CNTNAP4: variants seen among roughly 807,000 people sequenced by gnomAD.
The protein encoded by CNTNAP4 is contactin associated protein family member 4.
Under a neutral mutation model 148.4 loss-of-function variants are expected in CNTNAP4, and 98 were observed. The ratio of observed to expected loss-of-function variants is 0.66; its 90% CI spans 0.56 to 0.78. The LOEUF is 0.78. Ranked by LOEUF, CNTNAP4 falls within the 30% of genes least tolerant of loss-of-function variation. The pLI, the probability that CNTNAP4 is intolerant of heterozygous loss-of-function variation, is 0.00. For synonymous variants in CNTNAP4, 730 were observed against 565.1 expected (o/e 1.29, Z -4.14); for missense variants, 1,935 against 1,565.6 (o/e 1.24, Z -3.98).
chr16:76,446,778 C>T (rs1046365480), intron 4 of CNTNAP4, among the ~76,000 whole-genome samples: 9 of 152,170 alleles, frequency 5.9e-5, no homozygotes, highest in East Asian at 1.9e-4. Context: ...GTACTCAAGG[C>T]GGCATTTGAT....
At chr16:76,475,797 A>C (rs2081554923) in intron 10 of CNTNAP4, 142 bp from the exon 11 acceptor site, 1 of 608,936 alleles carries the variant, frequency 1.6e-6, no homozygotes, top group South Asian at 2.1e-5. Context: ...TTCTGTGATT[A>C]AAGTGATTAA....
chr16:76,370,132 C>T (rs1468569627), intron 3 of CNTNAP4, among the ~76,000 whole-genome samples: 1 of 152,122 alleles, frequency 6.6e-6, no homozygotes, highest in Non-Finnish European at 1.5e-5. Flanking sequence ...ACGATAATAT[C>T]TGGTAACATT....
At chr16:76,552,967 T>A (rs1012577913) in intron 21 of CNTNAP4, among the ~76,000 whole-genome samples, 1 of 152,206 alleles carries the variant, frequency 6.6e-6, no homozygotes, top group Non-Finnish European at 1.5e-5. Flanking sequence ...TACATTGCAA[T>A]AATCTATATT....
At chr16:76,331,503 GTT>G (rs113105251) in intron 2 of CNTNAP4, among the ~76,000 whole-genome samples, 4 of 143,692 alleles carry the variant, frequency 2.8e-5, no homozygotes, top group Admixed American at 7.0e-5. Context: ...TTTCTTTCAA[GTT>G]TTTTTTTTTT....
intron 3 of CNTNAP4, among the ~76,000 whole-genome samples, chr16:76,398,266 G>C (rs1035840192): frequency 6.6e-6 from 1 of 151,644 alleles, no homozygotes; most frequent in African/African-American, 2.4e-5. Flanking sequence ...GTCTTTCCCA[G>C]TCCACTGACT....
intron 12 of CNTNAP4, among the ~76,000 whole-genome samples, chr16:76,485,831 A>T (rs1231069543): frequency 6.6e-6 from 1 of 152,218 alleles, no homozygotes; most frequent in Non-Finnish European, 1.5e-5. Flanking sequence ...ACTGTCCATT[A>T]TTCAAATGCA....
In CNTNAP4 at chr16:76,451,599, A is replaced by ATGTGTGTGTGTGTGTGTGTGTGTG. The variant is rs71134761; in HGVS notation, c.1072-897_1072-874dup. On this transcript the variant is annotated intron_variant, in intron 7 of 23. Coordinates refer to ENST00000611870, the MANE Select transcript of CNTNAP4 (RefSeq NM_033401.5). ...ATAAAAATAAAAATATTTTAGATAG[A>ATGTGTGTGTGTGTGTGTGTGTGTG]TGTGTGTGTGTGTGTGTGTGTGTGT... 1.8e-3 allele frequency among the ~76,000 whole-genome samples: 250 copies of ATGTGTGTGTGTGTGTGTGTGTGTG among 141,344 alleles called. 2 individuals are homozygous for ATGTGTGTGTGTGTGTGTGTGTGTG. Among genetic ancestry groups the ATGTGTGTGTGTGTGTGTGTGTGTG allele is most frequent in the African/African-American group, 6.1e-3 (238 of 38,928 alleles). 92.7% of individuals were successfully genotyped at this position (141,344 alleles called of 152,430 possible). A position where few individuals can be genotyped will look rare whatever the true frequency, so the allele number is the denominator to read the frequency against.
At chr16:76,408,341 T>C (rs2078674110) in intron 3 of CNTNAP4, among the ~76,000 whole-genome samples, 1 of 152,098 alleles carries the variant, frequency 6.6e-6, no homozygotes, top group Admixed American at 6.6e-5. Context: ...CTAATTTAAT[T>C]AAGCTATTGC....
At chr16:76,500,245 C>A (rs958680450) in intron 15 of CNTNAP4, among the ~76,000 whole-genome samples, 1 of 152,152 alleles carries the variant, frequency 6.6e-6, no homozygotes. Context: ...CCCCACCTTC[C>A]GGACGGGGCG....
intron 5 of CNTNAP4, 104 bp downstream of exon 5, chr16:76,448,319 T>C (rs2080326597): frequency 2.6e-6 from 2 of 775,142 alleles, no homozygotes; most frequent in Middle Eastern, 2.6e-4. Flanking sequence ...GTGCCTTATT[T>C]TCAGATTCAA....
At chr16:76,363,258 G>T (rs1465530496) in intron 3 of CNTNAP4, among the ~76,000 whole-genome samples, 1 of 151,540 alleles carries the variant, frequency 6.6e-6, no homozygotes, top group Non-Finnish European at 1.5e-5. Context: ...TGCCTCCTGG[G>T]TTCAAGTGAT....
intron 3 of CNTNAP4, among the ~76,000 whole-genome samples, chr16:76,360,566 A>C (rs2013285684): frequency 6.6e-6 from 1 of 152,216 alleles, no homozygotes; most frequent in African/African-American, 2.4e-5. Context: ...TACTAACGCC[A>C]AGTGTGTGAA....
chr16:76,384,050 A>AT (rs1383613453), intron 3 of CNTNAP4, among the ~76,000 whole-genome samples: 1 of 151,224 alleles, frequency 6.6e-6, no homozygotes, highest in Non-Finnish European at 1.5e-5. Context: ...TTATTTATTT[A>AT]TTTATTTTTT....
chr16:76,362,946 A>C (rs145663196), intron 3 of CNTNAP4, among the ~76,000 whole-genome samples: 3 of 152,266 alleles, frequency 2.0e-5, no homozygotes, highest in Non-Finnish European at 2.9e-5. Flanking sequence ...AATGGGGGCC[A>C]GGCATGGCAG....
chr16:76,373,897 C>CAAA (rs71382634), intron 3 of CNTNAP4, among the ~76,000 whole-genome samples: 96 of 112,030 alleles, frequency 8.6e-4, no homozygotes, highest in South Asian at 3.0e-3. Flanking sequence ...CTCCATCTCA[C>CAAA]AAAAAAAAAA....
intron 3 of CNTNAP4, among the ~76,000 whole-genome samples, chr16:76,375,163 T>A (rs1453311284): frequency 1.3e-5 from 2 of 152,176 alleles, no homozygotes; most frequent in East Asian, 3.9e-4. Context: ...GGCTCATGCC[T>A]GTAATCCCAG....
At position 76,500,120 on chromosome 16, in the gene CNTNAP4, C is replaced by A. The variant is rs377267389; in HGVS notation, c.2365+1426C>A. ...GGCGGGGCAGAGGGGCTCCGCACTT[C>A]CCAGACGGGGCGGCTGGGCAGAGGT... is the stretch of plus-strand genomic sequence containing the variant. On this transcript the variant is annotated intron_variant, in intron 15 of 23. Coordinates refer to ENST00000611870, the MANE Select transcript of CNTNAP4 (RefSeq NM_033401.5). 4.4e-4 allele frequency among the ~76,000 whole-genome samples: 67 copies of A among 152,216 alleles called. 1 individual carries two copies. The East Asian group carries it at 0.011, about 24-fold the overall frequency.
Position 76,553,358 on chromosome 16 carries a change from T to C in CNTNAP4, c.3518T>C (p.Leu1173Pro), listed in dbSNP as rs768922048. 1 of 1,612,890 alleles carries C rather than the reference T, an allele frequency of 6.2e-7. No homozygotes were observed. Among genetic ancestry groups the C allele is most frequent in the Non-Finnish European group, 8.5e-7 (1 of 1,179,426 alleles). The change falls in exon 22 of 24, where the codon CTC becomes CCC. Residue 1173 changes from leucine to proline, a missense_variant. By Grantham distance (98) the Leu-to-Pro change is moderately conservative. Transcript: ENST00000611870. ...GFTGCLSAVQ[L>P]SHVAPLKAAL... ...ACAGGCTGCCTCTCTGCAGTGCAGC[T>C]CAGCCACGTGGCCCCTCTGAAGGCA... is the stretch of plus-strand genomic sequence containing the variant.
chr16:76,359,818 A>G (rs1490304648), intron 3 of CNTNAP4, among the ~76,000 whole-genome samples: 8 of 152,248 alleles, frequency 5.3e-5, no homozygotes, highest in Admixed American at 4.6e-4. Flanking sequence ...TTTATTGTAC[A>G]TGATTGAAAA....
Sources: allele counts gnomAD v4.1 joint callset (sites outside exome capture counted in the v4.1 genomes callset), GRCh38; gene constraint gnomAD v4.1.1; transcripts MANE v1.5; gene names NCBI Gene and HGNC (gene_info 2026-07-23, HGNC 2026-07-21).